MYMK: variants seen among roughly 807,000 people sequenced by gnomAD.
MYMK encodes protein myomaker.
A neutral mutation model predicts 22.4 loss-of-function variants in MYMK; 16 were observed. That is an observed-to-expected ratio of 0.72 (90% CI 0.48 to 1.09). The LOEUF is 1.09. MYMK is among the 50% of genes least tolerant of loss of function. The pLI, the probability that MYMK is intolerant of heterozygous loss-of-function variation, is 0.00. For synonymous variants in MYMK, 125 were observed against 127.0 expected, an observed-to-expected ratio of 0.98 and a Z score of 0.11; for missense variants, 250 against 295.6, an observed-to-expected ratio of 0.85 and a Z score of 1.13.
chr9:133,518,401 C>G (rs1185771358), intron 3 of MYMK, among the ~76,000 whole-genome samples: 1 of 152,238 alleles, frequency 6.6e-6, no homozygotes, highest in Non-Finnish European at 1.5e-5. Context: ...TCCAGGAAGT[C>G]TTCCCAGATT....
At chr9:133,519,153 C>T in intron 2 of MYMK, 131 bp from the exon 3 acceptor site, 1 of 1,138,290 alleles carries the variant, frequency 8.8e-7, no homozygotes, top group South Asian at 1.5e-5. Flanking sequence ...GCCAGCGAGA[C>T]CCTGAGGCCC....
intron 2 of MYMK, 57 bp from the exon 3 acceptor site, chr9:133,519,079 C>T: frequency 1.2e-6 from 2 of 1,603,902 alleles, no homozygotes; most frequent in Non-Finnish European, 1.7e-6. Context: ...CTCCTCCTGG[C>T]TACCCCCCCA....
In MYMK at chr9:133,516,192, A is replaced by G. The variant is rs1251020293; in HGVS notation, c.400-585T>C. On this transcript the variant is annotated intron_variant, in intron 3 of 4. Transcript: ENST00000339996. ...TACAGAGGGGTTTGCATTCCGAGGA[A>G]GATGCGGGAAGTGTGGGGCCACATC... Among the ~76,000 whole-genome samples, 5 of 152,224 alleles carry G rather than the reference A, an allele frequency of 3.3e-5. No individual in the cohort carries two copies. In the East Asian group the frequency reaches 5.8e-4, roughly 18 times the overall value.
At chr9:133,520,671 C>T (rs925217655) in intron 1 of MYMK, among the ~76,000 whole-genome samples, 4 of 152,220 alleles carry the variant, frequency 2.6e-5, no homozygotes, top group African/African-American at 4.8e-5. Context: ...CCCGGACCTT[C>T]AGCATCTGTG....
chr9:133,518,150 G>A lies in MYMK; in HGVS notation c.399+724C>T, dbSNP rs113798725. 7.2e-3 allele frequency among the ~76,000 whole-genome samples: 1,099 copies of A among 152,356 alleles called. 10 individuals carry two copies. The highest frequency in any genetic ancestry group is 0.024 in the African/African-American group (1,000 of 41,586). ...AGCTCCCTCCTGCTCTGGGGTCCCA[G>A]GAGATGCCCCGGGTCTATTTTTCCC... On this transcript the variant is annotated intron_variant, in intron 3 of 4. Transcript: ENST00000339996.
rs764218443 is a variant in MYMK at position 133,520,243 on chromosome 9, T to C, written c.181A>G (p.Met61Val). The change falls in exon 2 of 5, where the codon ATG becomes GTG. Residue 61 changes from methionine to valine, a missense_variant. Physicochemically the swap from Met to Val is conservative, Grantham distance 21 (BLOSUM62 1). Coordinates refer to ENST00000339996, the MANE Select transcript of MYMK (RefSeq NM_001080483.3). ...AAATACTCCAGGATGTCGTGACGCA[T>C]GAAGCACAGCACAGACAAGCCGGGT... Reference protein sequence around the residue: ...NGPGLSVLCFMRHDILEYFSV... With the variant: ...NGPGLSVLCFVRHDILEYFSV... 6 of 1,613,906 alleles carry C rather than the reference T, an allele frequency of 3.7e-6. No individual in the cohort carries two copies. The highest frequency in any genetic ancestry group is 2.2e-5 in the East Asian group (1 of 44,886).
chr9:133,520,969 GCTGAGGCTGGCAGGGCCCACAC>G (rs1388992690), intron 1 of MYMK, among the ~76,000 whole-genome samples: 25 of 152,278 alleles, frequency 1.6e-4, no homozygotes, highest in African/African-American at 5.3e-4. Context: ...CTGTGGCACT[GCTGAGGCTGGCAGGGCCCACAC>G]TGAGAGCCGG....
rs561254931 is a variant in MYMK at position 133,519,668 on chromosome 9, C to T, written c.250+506G>A. On this transcript the variant is annotated intron_variant, in intron 2 of 4. Coordinates refer to ENST00000339996, the MANE Select transcript of MYMK (RefSeq NM_001080483.3). ...GAAGAAATGAAGCCCCTCACAGGCC[C>T]GGTTAGATGGCAAGGAGCCTCAGGT... Among the ~76,000 whole-genome samples the T allele has an allele frequency of 8.6e-3, 1,315 of 152,224 alleles. 28 individuals are homozygous for T. The highest frequency in any genetic ancestry group is 0.03 in the African/African-American group (1,248 of 41,512).
intron 1 of MYMK, among the ~76,000 whole-genome samples, chr9:133,522,983 G>A (rs1564485801): frequency 2.6e-5 from 4 of 152,308 alleles, no homozygotes; most frequent in African/African-American, 4.8e-5. Flanking sequence ...ATCAGACACT[G>A]TGCACAGAGC....
In MYMK at chr9:133,515,478, C is replaced by A. The variant is rs745538706; in HGVS notation, c.516+13G>T. On this transcript the variant is annotated intron_variant, in intron 4 of 4. Transcript: ENST00000339996. This position sits in a 1 kb window ranked among gnomAD's most constrained non-coding sequence, Gnocchi z 5.8. ...CTCTGGGGCACAGGACACCTCCCCG[C>A]TGGGCTTGGTACCTCAAAGAAGAAG... 3.2e-6 allele frequency: 5 copies of A among 1,583,426 alleles called. No homozygotes were observed.
chr9:133,515,387 T>C lies in MYMK; in HGVS notation c.516+104A>G, dbSNP rs1401297352. ...CTAATACCAGACTTTGGCCTGGGGC[T>C]GTCAGAGTCCCCCCAGCGTGGGCAC... On this transcript the variant is annotated intron_variant, in intron 4 of 4. Coordinates refer to ENST00000339996, the MANE Select transcript of MYMK (RefSeq NM_001080483.3). This position sits in a 1 kb window ranked among gnomAD's most constrained non-coding sequence, Gnocchi z 5.8. 2.5e-6 allele frequency: 2 copies of C among 789,670 alleles called. No individual in the cohort carries two copies. The highest frequency in any genetic ancestry group is 1.7e-5 in the African/African-American group (1 of 58,184). 48.9% of individuals were successfully genotyped at this position (789,670 alleles called of 1,614,324 possible). A position where few individuals can be genotyped will look rare whatever the true frequency, so the allele number is the denominator to read the frequency against.
intron 1 of MYMK, among the ~76,000 whole-genome samples, chr9:133,521,656 G>C (rs1281099127): frequency 6.6e-6 from 1 of 152,196 alleles, no homozygotes; most frequent in Admixed American, 6.5e-5. Context: ...CGCGGCTAGA[G>C]GAGGGTGACC....
At position 133,524,710 on chromosome 9, in the gene MYMK, C is replaced by T. The variant is rs777300317; in HGVS notation, c.135G>A (p.Ala45=). Residue 45 remains alanine, a splice_region_variant and synonymous_variant, in exon 1 of 5, where the codon GCG becomes GCA. Coordinates refer to ENST00000339996, the MANE Select transcript of MYMK (RefSeq NM_001080483.3). Reference sequence around the variant, plus strand: ...ACTTCCTCCCAGCCCCCAGACTCACCGCCACGAAGAACAGGGTGAAGAGGT... The same window carrying T: ...ACTTCCTCCCAGCCCCCAGACTCACTGCCACGAAGAACAGGGTGAAGAGGT... The part of the protein sequence containing the change: ...MVYLFTLFFV[A]LHHACNGPGL... The T allele has an allele frequency of 1.4e-5, 22 of 1,614,164 alleles. No individual in the cohort carries two copies. The highest frequency in any genetic ancestry group is 3.3e-5 in the South Asian group (3 of 91,082).
At chr9:133,519,166 C>T in intron 2 of MYMK, 144 bp from the exon 3 acceptor site, 2 of 1,039,840 alleles carry the variant, frequency 1.9e-6, no homozygotes, top group Non-Finnish European at 2.8e-6. Flanking sequence ...TGAGGCCCAG[C>T]CTGGTCATGG....
At chr9:133,521,412 G>C (rs556086883) in intron 1 of MYMK, among the ~76,000 whole-genome samples, 2 of 152,152 alleles carry the variant, frequency 1.3e-5, no homozygotes, top group Non-Finnish European at 2.9e-5. Flanking sequence ...CAGAGGGAGC[G>C]GGGGCCCTGG....
rs768734973 is a variant in MYMK, at chr9:133,518,972, C to T, written c.301G>A (p.Val101Ile). The T allele has an allele frequency of 7.6e-5, 123 of 1,613,882 alleles. 1 individual carries two copies. Among genetic ancestry groups the T allele is most frequent in the East Asian group, 1.3e-4 (6 of 44,898 alleles). Residue 101 changes from valine (V) to isoleucine (I), a missense_variant, in exon 3 of 5, where the codon GTC becomes ATC. Transcript: ENST00000339996. ...PKRSTFVMFGVLTIAVRIYHD... is the reference protein window; with the variant it reads ...PKRSTFVMFGILTIAVRIYHD... Reference sequence around the variant, plus strand: ...TAGATCCGCACAGCAATGGTCAGGACGCCGAACATCACAAATGTTGACCTC... The same window carrying T: ...TAGATCCGCACAGCAATGGTCAGGATGCCGAACATCACAAATGTTGACCTC...
chr9:133,523,963 CA>C (rs1236066275), intron 1 of MYMK, among the ~76,000 whole-genome samples: 6 of 151,952 alleles, frequency 3.9e-5, no homozygotes, highest in Admixed American at 1.3e-4. Flanking sequence ...AGAGAGAAGA[CA>C]GGGGAGACAG....
chr9:133,516,833 C>T (rs1313959498), intron 3 of MYMK, among the ~76,000 whole-genome samples: 2 of 152,176 alleles, frequency 1.3e-5, no homozygotes, highest in Non-Finnish European at 2.9e-5. Flanking sequence ...CATCACCCAA[C>T]CCTCCCTCCT....
Position 133,520,283 on chromosome 9 carries a change from G to A in MYMK, c.141C>T (p.His47=), listed in dbSNP as rs1195528571. Residue 47 remains histidine, a synonymous_variant, in exon 2 of 5, where the codon CAC becomes CAT. Transcript: ENST00000339996. ...YLFTLFFVAL[H]HACNGPGLSV... Reference sequence around the variant, plus strand: ...ACAAGCCGGGTCCATTGCAGGCATGGTGGAGCTGCCAGAAAACCCACAGGT... The same window carrying A: ...ACAAGCCGGGTCCATTGCAGGCATGATGGAGCTGCCAGAAAACCCACAGGT... 4.3e-6 allele frequency: 7 copies of A among 1,614,056 alleles called. 1 individual carries two copies. The South Asian group carries it at 7.7e-5, about 18-fold the overall frequency.
Sources: allele counts gnomAD v4.1 joint callset (sites outside exome capture counted in the v4.1 genomes callset), GRCh38; gene constraint gnomAD v4.1.1; non-coding constraint Gnocchi (gnomAD v3.1); transcripts MANE v1.5; gene names NCBI Gene and HGNC (gene_info 2026-07-23, HGNC 2026-07-21).